The following MCM9 variants were observed in gnomAD, a reference collection of about 807,000 sequenced individuals.
MCM9 encodes the protein DNA helicase MCM9.
A neutral mutation model predicts 72.8 loss-of-function variants in MCM9; 55 were observed. That is an observed-to-expected ratio of 0.76 (90% CI 0.61 to 0.95). MCM9 has a LOEUF of 0.95. MCM9 is among the 40% of genes least tolerant of loss of function. The pLI, the probability that MCM9 is intolerant of heterozygous loss-of-function variation, is 0.00. For synonymous variants in MCM9, 480 were observed against 503.4 expected (o/e 0.95, Z 0.62); for missense variants, 1,279 against 1,377.0 (o/e 0.93, Z 1.13).
At chr6:118,921,953 C>T in intron 5 of MCM9, 52 bp downstream of exon 5, 2 of 1,385,084 alleles carry the variant, frequency 1.4e-6, no homozygotes, top group Non-Finnish European at 2.0e-6. Context: ...TTTTCCTAAT[C>T]AATACTTTAG....
chr6:118,905,687 A>G (rs1205145507), intron 8 of MCM9: 1 of 1,613,282 alleles, frequency 6.2e-7, no homozygotes, highest in African/African-American at 1.3e-5. Flanking sequence ...TTCCAGATGC[A>G]GATGCAGTAG....
rs1390666468 is a variant in MCM9 at position 118,815,515 on chromosome 6, C to G, written c.2741G>C (p.Gly914Ala). The G allele has an allele frequency of 6.5e-7, 1 of 1,547,966 alleles. No homozygotes were observed. Among genetic ancestry groups the G allele is most frequent in the South Asian group, 1.2e-5 (1 of 83,514 alleles). Residue 914 changes from glycine (G) to alanine (A), a missense_variant, in exon 14 of 14, where the codon GGT becomes GCT. By Grantham distance (60) the Gly-to-Ala change is moderately conservative. Transcript: ENST00000619706. Reference protein sequence around the residue: ...EPAIENVKPPGSPVAKLAKFT... With the variant: ...EPAIENVKPPASPVAKLAKFT... ...TTTTGCCAGTTTGGCCACAGGGGAA[C>G]CTGGAGGCTTAACATTTTCAATTGC...
rs1195206433 is a variant in MCM9 at position 118,829,229 on chromosome 6, T to G, written c.1347A>C (p.Thr449=). The G allele has an allele frequency of 1.9e-6, 3 of 1,549,538 alleles. No homozygotes were observed. In the East Asian group the frequency reaches 7.3e-5, roughly 38 times the overall value. ...AKAGLVCKLN[T]RTTILAATNP... ...TCGTTGCTGCCAGGATGGTGGTCCT[T>G]GTGTTCAGCTTGCACACGAGGCTGC... Residue 449 remains threonine, a synonymous_variant, in exon 10 of 14, where the codon ACA becomes ACC. Transcript: ENST00000619706.
Position 118,813,496 on chromosome 6 carries a change from G to A in MCM9, c.*1328C>T, listed in dbSNP as rs536278435. On this transcript the variant is annotated 3_prime_UTR_variant, in exon 14 of 14. Transcript: ENST00000619706. ...AAATTTTATTAGTGAATTTTAGAAC[G>A]TTTAAATGCTTAAGAAAAATTGGAT... 5 of 152,184 alleles carry A rather than the reference G, an allele frequency of 3.3e-5. No individual in the cohort carries two copies. The East Asian group carries it at 5.8e-4, about 18-fold the overall frequency. 9.4% of individuals were successfully genotyped at this position (152,184 alleles called of 1,614,324 possible). A position where few individuals can be genotyped will look rare whatever the true frequency, so the allele number is the denominator to read the frequency against.
chr6:118,895,262 C>A (rs1190923047), intron 8 of MCM9, among the ~76,000 whole-genome samples: 2 of 152,006 alleles, frequency 1.3e-5, no homozygotes, highest in African/African-American at 2.4e-5. Flanking sequence ...CCTCCTCGGC[C>A]GGCGCCCGGG....
At chr6:118,923,272 T>C (rs1583681508) in intron 4 of MCM9, among the ~76,000 whole-genome samples, 1 of 150,082 alleles carries the variant, frequency 6.7e-6, no homozygotes, top group East Asian at 2.0e-4. Context: ...CATATCTTGT[T>C]CACTCCAATG....
chr6:118,837,340 T>G (rs942848910), intron 9 of MCM9, among the ~76,000 whole-genome samples: 3 of 152,244 alleles, frequency 2.0e-5, no homozygotes, highest in African/African-American at 7.2e-5. Context: ...AGAATGTATA[T>G]TCTGTTCATT....
chr6:118,822,741 A>C (rs2114523381), intron 13 of MCM9, among the ~76,000 whole-genome samples: 1 of 152,254 alleles, frequency 6.6e-6, no homozygotes, highest in South Asian at 2.1e-4. Context: ...CCCTTCCCCC[A>C]GGTGCTCTGT....
chr6:118,918,334 C>A (rs75012963), intron 5 of MCM9: 1 of 153,008 alleles, frequency 6.5e-6, no homozygotes, highest in Non-Finnish European at 1.5e-5. Context: ...TGAATAAATG[C>A]CTGTTATGCT....
chr6:118,894,257 G>A lies in MCM9; in HGVS notation c.1150+17393C>T, dbSNP rs758742292. The A allele has an allele frequency of 1.2e-4, 177 of 1,454,902 alleles. No homozygotes were observed. Among genetic ancestry groups the A allele is most frequent in the Non-Finnish European group, 1.5e-4 (168 of 1,109,492 alleles). The allele number at this position is 1,454,902 out of a possible 1,614,324, so 90.1% of individuals were successfully genotyped here. A position where few individuals can be genotyped will look rare whatever the true frequency, so the allele number is the denominator to read the frequency against. On this transcript the variant is annotated intron_variant, in intron 8 of 13. Transcript: ENST00000619706. ...CTGCAAAACACTGTGGAGTGCTCCC[G>A]TGTAAATAAAAAGAGGAAAAAAGTT...
chr6:118,892,595 G>A (rs1779019030), intron 8 of MCM9, among the ~76,000 whole-genome samples: 1 of 152,134 alleles, frequency 6.6e-6, no homozygotes, highest in South Asian at 2.1e-4. Flanking sequence ...GTGTCTTACA[G>A]CATACAGCAA....
At position 118,934,182 on chromosome 6, in the gene MCM9, T is replaced by C. The variant is rs115496088; in HGVS notation, c.-150+709A>G. The stretch of plus-strand genomic sequence containing the variant: ...AGCATTTCTATGGTTATATGGACCA[T>C]CGTTATTCATTCCCTTTCAACATCT... On this transcript the variant is annotated intron_variant, in intron 1 of 13. Transcript: ENST00000619706. 1.5e-3 allele frequency among the ~76,000 whole-genome samples: 232 copies of C among 152,342 alleles called. 1 individual carries two copies. The highest frequency in any genetic ancestry group is 5.4e-3 in the African/African-American group (224 of 41,574).
At chr6:118,846,696 A>C (rs1001574578) in intron 9 of MCM9, among the ~76,000 whole-genome samples, 5 of 151,714 alleles carry the variant, frequency 3.3e-5, no homozygotes, top group African/African-American at 1.2e-4. Context: ...AACAAATAAG[A>C]ACCACAAAAC....
At chr6:118,851,854 G>T (rs753116626) in intron 9 of MCM9, among the ~76,000 whole-genome samples, 2 of 152,188 alleles carry the variant, frequency 1.3e-5, no homozygotes, top group African/African-American at 4.8e-5. Flanking sequence ...ACCACAGTGC[G>T]GTGGTCTAAA....
intron 8 of MCM9, among the ~76,000 whole-genome samples, chr6:118,864,373 T>C (rs1341779574): frequency 2.0e-5 from 3 of 152,002 alleles, no homozygotes; most frequent in African/African-American, 4.8e-5. Context: ...CAGAGAAAGA[T>C]TTATCACTCC....
intron 7 of MCM9, 149 bp downstream of exon 7, chr6:118,913,146 A>C: frequency 2.4e-6 from 2 of 848,654 alleles, no homozygotes; most frequent in Non-Finnish European, 3.6e-6. Context: ...CAGATGCTAG[A>C]CTAAGTATAA....
chr6:118,894,396 TTG>T (rs1357630532), intron 8 of MCM9: 7 of 1,536,456 alleles, frequency 4.6e-6, no homozygotes, highest in African/African-American at 4.1e-5. Context: ...TTCCCATTGT[TTG>T]TGTTTTTTTC....
At chr6:118,832,628 T>C (rs758496159) in intron 9 of MCM9, among the ~76,000 whole-genome samples, 1 of 152,242 alleles carries the variant, frequency 6.6e-6, no homozygotes, top group African/African-American at 2.4e-5. Flanking sequence ...AAACTACTTT[T>C]ACATTTATTT....
chr6:118,917,779 G>T lies in MCM9; in HGVS notation c.704-18C>A. 1 of 1,610,608 alleles carries T rather than the reference G, an allele frequency of 6.2e-7. No homozygotes were observed. Among genetic ancestry groups the T allele is most frequent in the Non-Finnish European group, 8.5e-7 (1 of 1,176,800 alleles). On this transcript the variant is annotated intron_variant, in intron 5 of 13. Coordinates refer to ENST00000619706, the MANE Select transcript of MCM9 (RefSeq NM_017696.3). ...GTCATCACCTAGGAAAAAGCATCAA[G>T]TGAGTCCAGCAGTAGCATCCTGCAT...
Sources: allele counts gnomAD v4.1 joint callset (sites outside exome capture counted in the v4.1 genomes callset), GRCh38; gene constraint gnomAD v4.1.1; transcripts MANE v1.5; gene names NCBI Gene and HGNC (gene_info 2026-07-23, HGNC 2026-07-21).